ROBO2: variants seen among roughly 807,000 people sequenced by gnomAD.
ROBO2 encodes roundabout guidance receptor 2.
In ROBO2, 53 loss-of-function variants were observed where a neutral mutation model predicts 160.8. The ratio of observed to expected loss-of-function variants is 0.33; its 90% CI spans 0.26 to 0.41. The LOEUF (loss-of-function observed/expected upper bound fraction) is 0.41. ROBO2 is among the 10% of genes least tolerant of loss of function. The probability of loss-of-function intolerance (pLI) is 1.00; values close to 1 mark genes in which losing one functional copy is unlikely to be tolerated. For missense variants in ROBO2, 1,577 were observed against 1,722.4 expected, an observed-to-expected ratio of 0.92 and a Z score of 1.49; for synonymous variants, 664 against 611.7, an observed-to-expected ratio of 1.09 and a Z score of -1.26.
At chr3:76,691,035 C>T (rs2092790363) in intron 2 of ROBO2, among the ~76,000 whole-genome samples, 1 of 151,888 alleles carries the variant, frequency 6.6e-6, no homozygotes, top group Admixed American at 6.6e-5. Context: ...GGCTGGACAA[C>T]ATAGCAAAGA....
At chr3:76,579,645 G>A (rs1238243377) in intron 2 of ROBO2, among the ~76,000 whole-genome samples, 1 of 151,908 alleles carries the variant, frequency 6.6e-6, no homozygotes, top group Non-Finnish European at 1.5e-5. Flanking sequence ...TGTTTGAGGG[G>A]AAGTTTCATG....
rs372627896 is a variant in ROBO2 at position 76,033,377 on chromosome 3, G to A, written c.109+95775G>A. On this transcript the variant is annotated intron_variant, in intron 2 of 26. Transcript: ENST00000487694. Reference sequence around the variant, plus strand: ...TTACTTCTTAGTGTGAATACTAAAAGGCCTAGGGTCACCTTCAGCTCTTTG... The same window carrying A: ...TTACTTCTTAGTGTGAATACTAAAAAGCCTAGGGTCACCTTCAGCTCTTTG... Among the ~76,000 whole-genome samples, 44 of 152,066 alleles carry A rather than the reference G, an allele frequency of 2.9e-4. No homozygotes were observed. The East Asian group carries it at 7.6e-3, about 26-fold the overall frequency.
intron 2 of ROBO2, among the ~76,000 whole-genome samples, chr3:77,099,410 T>A (rs946202851): frequency 6.6e-6 from 1 of 152,180 alleles, no homozygotes; most frequent in Non-Finnish European, 1.5e-5. Context: ...AACCCCCGGA[T>A]GCTGGAAATG....
At position 76,096,937 on chromosome 3, in the gene ROBO2, G is replaced by A. The variant is rs529902381; in HGVS notation, c.109+159335G>A. Among the ~76,000 whole-genome samples, 35 of 152,284 alleles carry A rather than the reference G, an allele frequency of 2.3e-4. 1 individual carries two copies. Among genetic ancestry groups the A allele is most frequent in the African/African-American group, 7.5e-4 (31 of 41,552 alleles). Reference sequence around the variant, plus strand: ...AAAAATTAGTTATGGGCAGACGACTGACAAAACTCTCTGTCTTTGCTACAT... The same window carrying A: ...AAAAATTAGTTATGGGCAGACGACTAACAAAACTCTCTGTCTTTGCTACAT... On this transcript the variant is annotated intron_variant, in intron 2 of 26. Coordinates refer to the ROBO2 transcript ENST00000487694.
chr3:77,273,814 G>A (rs1464292188), intron 2 of ROBO2, among the ~76,000 whole-genome samples: 1 of 152,110 alleles, frequency 6.6e-6, no homozygotes, highest in Admixed American at 6.6e-5. Flanking sequence ...AAGACCAGAG[G>A]GAACTTTTTG....
At chr3:77,242,507 A>G (rs1053660180) in intron 2 of ROBO2, among the ~76,000 whole-genome samples, 4 of 152,206 alleles carry the variant, frequency 2.6e-5, no homozygotes, top group Non-Finnish European at 5.9e-5. Flanking sequence ...TTTGCAGTTT[A>G]CTGAAATAAT....
intron 2 of ROBO2, among the ~76,000 whole-genome samples, chr3:76,113,530 A>G (rs370397001): frequency 6.6e-6 from 1 of 152,106 alleles, no homozygotes; most frequent in East Asian, 1.9e-4. Flanking sequence ...CTGCAAAATT[A>G]TGTCATACAA....
At chr3:76,628,003 A>G (rs182985382) in intron 2 of ROBO2, among the ~76,000 whole-genome samples, 43 of 151,850 alleles carry the variant, frequency 2.8e-4, no homozygotes, top group Non-Finnish European at 5.0e-4. Flanking sequence ...ATATATTATA[A>G]CAAGAGTAGT....
chr3:77,350,072 A>AT (rs375546367), intron 2 of ROBO2, among the ~76,000 whole-genome samples: 1,665 of 150,562 alleles, frequency 0.011, 18 homozygotes, highest in Middle Eastern at 0.018. Context: ...ATTAAAAAAA[A>AT]ATATATATAT....
chr3:76,641,614 G>GAAAAACA (rs1190399300), intron 2 of ROBO2, among the ~76,000 whole-genome samples: 1 of 151,644 alleles, frequency 6.6e-6, no homozygotes, highest in Non-Finnish European at 1.5e-5. Context: ...AGATGTTTGA[G>GAAAAACA]AAAAACAAAA....
intron 2 of ROBO2, among the ~76,000 whole-genome samples, chr3:76,693,277 T>TAC (rs1245551908): frequency 1.3e-5 from 2 of 149,518 alleles, no homozygotes; most frequent in Non-Finnish European, 3.0e-5. Flanking sequence ...TCTCTCTCTA[T>TAC]ATATAGTGTG....
At chr3:76,212,580 T>C (rs1703214785) in intron 2 of ROBO2, among the ~76,000 whole-genome samples, 1 of 152,076 alleles carries the variant, frequency 6.6e-6, no homozygotes, top group Admixed American at 6.6e-5. Flanking sequence ...GAATAAAAAG[T>C]AGGTGTAAAA....
At chr3:75,969,835 G>A (rs2064941518) in intron 2 of ROBO2, among the ~76,000 whole-genome samples, 1 of 151,474 alleles carries the variant, frequency 6.6e-6, no homozygotes. Flanking sequence ...CCACTCTGCA[G>A]GCTGCCTTTT....
chr3:76,322,208 T>C (rs530473516), intron 2 of ROBO2, among the ~76,000 whole-genome samples: 5,911 of 127,922 alleles, frequency 0.046, 164 homozygotes, highest in African/African-American at 0.057. Flanking sequence ...ATATATAATA[T>C]ACACACACAT....
intron 2 of ROBO2, among the ~76,000 whole-genome samples, chr3:76,059,572 A>C (rs139877081): frequency 6.6e-6 from 1 of 151,916 alleles, no homozygotes; most frequent in Non-Finnish European, 1.5e-5. Context: ...ATGAGTAGGT[A>C]GCAAAAATTT....
intron 21 of ROBO2, among the ~76,000 whole-genome samples, chr3:77,613,217 GA>G (rs1253632311): frequency 1.3e-5 from 2 of 150,566 alleles, no homozygotes; most frequent in South Asian, 2.1e-4. Context: ...TATTCTCTAT[GA>G]ATTTTTTTTT....
At chr3:76,498,101 G>A (rs1361423633) in intron 2 of ROBO2, among the ~76,000 whole-genome samples, 2 of 152,118 alleles carry the variant, frequency 1.3e-5, no homozygotes, top group African/African-American at 4.8e-5. Flanking sequence ...TATGTTCAGT[G>A]TTGTAATTCT....
At chr3:76,997,212 T>C (rs1226121455) in intron 2 of ROBO2, among the ~76,000 whole-genome samples, 1 of 152,220 alleles carries the variant, frequency 6.6e-6, no homozygotes, top group Non-Finnish European at 1.5e-5. Context: ...TTAATCTATA[T>C]TGCTCACTTT....
intron 2 of ROBO2, among the ~76,000 whole-genome samples, chr3:76,800,168 A>G (rs149030604): frequency 3.3e-5 from 5 of 152,340 alleles, no homozygotes; most frequent in Non-Finnish European, 7.3e-5. Flanking sequence ...GGATATCCAC[A>G]TGCAGAAGAA....
Sources: allele counts gnomAD v4.1 joint callset (sites outside exome capture counted in the v4.1 genomes callset), GRCh38; gene constraint gnomAD v4.1.1; transcripts MANE v1.5; gene names NCBI Gene and HGNC (gene_info 2026-07-23, HGNC 2026-07-21).